The following FSHR variants were observed in gnomAD, a reference collection of about 807,000 sequenced individuals.
FSHR encodes the protein follicle-stimulating hormone receptor.
Under a neutral mutation model 52.1 loss-of-function variants are expected in FSHR, and 46 were observed. The observed-to-expected ratio is 0.88, with a 90% CI of 0.70 to 1.13. FSHR has a LOEUF of 1.13. FSHR is among the 50% of genes most tolerant of loss of function. The pLI, the probability that FSHR is intolerant of heterozygous loss-of-function variation, is 0.00. For missense variants in FSHR, 964 were observed against 834.6 expected (o/e 1.16, Z -1.91); for synonymous variants, 399 against 309.6 (o/e 1.29, Z -3.03).
chr2:49,145,593 T>C (rs1258900323), intron 1 of FSHR, among the ~76,000 whole-genome samples: 1 of 152,086 alleles, frequency 6.6e-6, no homozygotes, highest in Non-Finnish European at 1.5e-5. Flanking sequence ...CAAAGCAACA[T>C]GCAATTAGTT....
Position 49,154,379 on chromosome 2 carries a change from G to C in FSHR, c.39C>G (p.Ser13Arg). The change falls in exon 1 of 10, where the codon AGC (serine) becomes AGG (arginine). Residue 13 changes from serine (S) to arginine (R), a missense_variant. Transcript: ENST00000406846. ...LLLVSLLAFL[S>R]LGSGCHHRIC... ...TCCGATGATGACATCCTGAGCCCAA[G>C]CTCAGGAATGCCAGCAAAGAGACCA... 1 of 1,613,172 alleles carries C rather than the reference G, an allele frequency of 6.2e-7. No individual in the cohort carries two copies. Among genetic ancestry groups the C allele is most frequent in the Non-Finnish European group, 8.5e-7 (1 of 1,179,920 alleles).
chr2:49,106,264 A>C (rs1354221601), intron 1 of FSHR, among the ~76,000 whole-genome samples: 1 of 152,192 alleles, frequency 6.6e-6, no homozygotes, highest in Non-Finnish European at 1.5e-5. Context: ...GCAAGGGCAC[A>C]CTTATACCTA....
At chr2:49,056,122 G>T (rs997749081) in intron 2 of FSHR, among the ~76,000 whole-genome samples, 1 of 151,926 alleles carries the variant, frequency 6.6e-6, no homozygotes, top group Non-Finnish European at 1.5e-5. Context: ...AATTGCAAGA[G>T]TAAGTCCTCA....
intron 1 of FSHR, among the ~76,000 whole-genome samples, chr2:49,121,454 T>C (rs1230985045): frequency 3.9e-5 from 6 of 152,210 alleles, no homozygotes; most frequent in Admixed American, 3.9e-4. Flanking sequence ...ATCTGGCCTG[T>C]ATTGATGTCT....
intron 1 of FSHR, among the ~76,000 whole-genome samples, chr2:49,134,843 C>G (rs917239661): frequency 4.6e-5 from 7 of 152,162 alleles, no homozygotes; most frequent in African/African-American, 1.7e-4. Flanking sequence ...CATATTCTCA[C>G]TCATAGGTGG....
intron 1 of FSHR, among the ~76,000 whole-genome samples, chr2:49,070,699 A>T (rs899135019): frequency 1.3e-5 from 2 of 152,176 alleles, no homozygotes; most frequent in African/African-American, 4.8e-5. Context: ...TTCAAGGACT[A>T]TGTCTGTATT....
Position 48,963,838 on chromosome 2 carries a change from A to T in FSHR, c.983T>A (p.Met328Lys). Residue 328 changes from methionine (M) to lysine (K), a missense_variant, in exon 10 of 10, where the codon ATG becomes AAG. Met to Lys is a moderately conservative substitution (Grantham distance 95). Coordinates refer to ENST00000406846, the MANE Select transcript of FSHR (RefSeq NM_000145.4). ...GTCATAGTCAAACTCAGTGTACGTC[A>T]TGTCAAATCCTCTGCTGTAGCTGGA... Reference protein sequence around the residue: ...NESSYSRGFDMTYTEFDYDLC... With the variant: ...NESSYSRGFDKTYTEFDYDLC... The T allele has an allele frequency of 6.2e-7, 1 of 1,614,174 alleles. No individual in the cohort carries two copies. The highest frequency in any genetic ancestry group is 1.1e-5 in the South Asian group (1 of 91,084).
rs557520242 is a variant in FSHR, at chr2:49,028,873, G to A, written c.225-8713C>T. ...GAAATACCAACCCAGACCACTCGAT[G>A]AGAAAGAAAGAAACTTGTTCTGAAA... On this transcript the variant is annotated intron_variant, in intron 2 of 9. Coordinates refer to ENST00000406846, the MANE Select transcript of FSHR (RefSeq NM_000145.4). Among the ~76,000 whole-genome samples, 14 of 152,282 alleles carry A rather than the reference G, an allele frequency of 9.2e-5. No homozygotes were observed. In the South Asian group the frequency reaches 2.9e-3, roughly 32 times the overall value.
intron 1 of FSHR, among the ~76,000 whole-genome samples, chr2:49,091,497 AT>A (rs1670606351): frequency 6.6e-6 from 1 of 152,054 alleles, no homozygotes; most frequent in African/African-American, 2.4e-5. Context: ...GGGTCTCACC[AT>A]GTTGCCCAGT....
At chr2:48,974,281 T>A (rs1023279119) in intron 8 of FSHR, among the ~76,000 whole-genome samples, 1 of 152,212 alleles carries the variant, frequency 6.6e-6, no homozygotes, top group African/African-American at 2.4e-5. Flanking sequence ...CTGGGTAGAT[T>A]GACTTGAATG....
intron 4 of FSHR, among the ~76,000 whole-genome samples, chr2:48,995,879 A>G (rs888979867): frequency 2.6e-5 from 4 of 152,104 alleles, no homozygotes; most frequent in African/African-American, 4.8e-5. Context: ...CACCAAATCT[A>G]CCATGGCATG....
intron 1 of FSHR, among the ~76,000 whole-genome samples, chr2:49,081,864 G>C (rs1383261407): frequency 6.6e-6 from 1 of 152,134 alleles, no homozygotes; most frequent in African/African-American, 2.4e-5. Context: ...AAAGGAGAAC[G>C]GTTTAAAAGA....
intron 4 of FSHR, among the ~76,000 whole-genome samples, chr2:49,013,467 T>TATATATATATATAAATAA (rs1326540146): frequency 8.0e-6 from 1 of 125,342 alleles, no homozygotes; most frequent in Non-Finnish European, 1.6e-5. Context: ...TATATAAATA[T>TATATATATATATAAATAA]ATATATATAT....
chr2:49,051,873 T>A (rs747503787), intron 2 of FSHR, among the ~76,000 whole-genome samples: 7 of 152,152 alleles, frequency 4.6e-5, no homozygotes, highest in Non-Finnish European at 7.4e-5. Context: ...GTGTATAACA[T>A]GAGGTAAGGG....
rs528804206 is a variant in FSHR, at chr2:49,142,210, G to C, written c.152+12056C>G. Among the ~76,000 whole-genome samples the C allele has an allele frequency of 3.3e-3, 508 of 152,214 alleles. 5 individuals are homozygous for C. The highest frequency in any genetic ancestry group is 4.9e-3 in the Non-Finnish European group (330 of 68,028). On this transcript the variant is annotated intron_variant, in intron 1 of 9. Coordinates refer to ENST00000406846, the MANE Select transcript of FSHR (RefSeq NM_000145.4). ...AACTTTAGTTCTAGTTTCTAGTGGTGGGGAGGAAAGTAAAGAAATGAAAAC... is the reference window on the plus strand; with the variant it reads ...AACTTTAGTTCTAGTTTCTAGTGGTCGGGAGGAAAGTAAAGAAATGAAAAC...
chr2:48,992,255 A>C (rs1675818380), intron 4 of FSHR, among the ~76,000 whole-genome samples: 1 of 152,156 alleles, frequency 6.6e-6, no homozygotes, highest in South Asian at 2.1e-4. Context: ...ACATATAGCT[A>C]CGTAACCACG....
rs113936702 is a variant in FSHR, at chr2:49,095,828, A to G, written c.153-27538T>C. Among the ~76,000 whole-genome samples, 1,404 of 152,302 alleles carry G rather than the reference A, an allele frequency of 9.2e-3. 23 individuals are homozygous for G. Among genetic ancestry groups the G allele is most frequent in the Middle Eastern group, 0.034 (10 of 294 alleles). ...AGATTTGAAAATATATTTCTCCAGT[A>G]AAGATATACAAATAGCCAATAGACA... On this transcript the variant is annotated intron_variant, in intron 1 of 9. Transcript: ENST00000406846.
chr2:49,127,861 TC>T (rs1672106878), intron 1 of FSHR, among the ~76,000 whole-genome samples: 19 of 38,324 alleles, frequency 5.0e-4, no homozygotes, highest in African/African-American at 2.9e-3. Context: ...TTCTTCTTCT[TC>T]TTCTTCTTCT....
At chr2:49,123,357 C>T (rs1464750007) in intron 1 of FSHR, among the ~76,000 whole-genome samples, 1 of 152,086 alleles carries the variant, frequency 6.6e-6, no homozygotes, top group Non-Finnish European at 1.5e-5. Flanking sequence ...CACGGTGGCT[C>T]ACGCTGGTAG....
Sources: allele counts gnomAD v4.1 joint callset (sites outside exome capture counted in the v4.1 genomes callset), GRCh38; gene constraint gnomAD v4.1.1; transcripts MANE v1.5; gene names NCBI Gene and HGNC (gene_info 2026-07-23, HGNC 2026-07-21).